ATP5MG: variants seen among roughly 807,000 people sequenced by gnomAD.
ATP5MG encodes ATP synthase membrane subunit g.
A neutral mutation model predicts 12.7 loss-of-function variants in ATP5MG; 7 were observed. That is an observed-to-expected ratio of 0.55 (90% CI 0.31 to 1.04). The LOEUF is 1.04. Among genes scored for constraint, ATP5MG ranks in the 50% least tolerant of loss-of-function variants. ATP5MG has a pLI of 0.05. For missense variants in ATP5MG, 116 were observed against 126.7 expected, an observed-to-expected ratio of 0.92 and a Z score of 0.41; for synonymous variants, 53 against 48.2, an observed-to-expected ratio of 1.10 and a Z score of -0.41.
chr11:118,406,729 C>A, intron 1 of ATP5MG: 1 of 651,396 alleles, frequency 1.5e-6, no homozygotes, highest in Non-Finnish European at 2.5e-6. Flanking sequence ...CCTGATTGAA[C>A]ATCCCTGTGG....
chr11:118,406,698 G>T, intron 1 of ATP5MG: 1 of 531,392 alleles, frequency 1.9e-6, no homozygotes, highest in South Asian at 2.1e-5. Flanking sequence ...TGGCATAATT[G>T]AATGTGCTTA....
intron 1 of ATP5MG, chr11:118,406,565 C>T (rs1591317689): frequency 5.1e-6 from 1 of 195,960 alleles, no homozygotes; most frequent in Non-Finnish European, 1.1e-5. Flanking sequence ...GGTCTCTCTC[C>T]AAGAAAATAT....
Position 118,409,049 on chromosome 11 carries a change from A to G in ATP5MG, c.263A>G (p.Tyr88Cys). ...LVATEVLMWF[Y>C]VGEIIGKRGI... The stretch of plus-strand genomic sequence containing the variant: ...GCCACTGAGGTGTTGATGTGGTTTT[A>G]TGTCGGAGAGATTATAGGCAAGCGG... The change falls in exon 3 of 3, where the codon TAT (tyrosine) becomes TGT (cysteine). Residue 88 changes from tyrosine (Y) to cysteine (C), a missense_variant. By Grantham distance (194) the Tyr-to-Cys change is radical. Coordinates refer to ENST00000300688, the MANE Select transcript of ATP5MG (RefSeq NM_006476.5). 2 of 1,607,978 alleles carry G rather than the reference A, an allele frequency of 1.2e-6. No individual in the cohort carries two copies. The highest frequency in any genetic ancestry group is 1.7e-6 in the Non-Finnish European group (2 of 1,177,032).
chr11:118,402,505 G>C (rs1948936521), intron 1 of ATP5MG, among the ~76,000 whole-genome samples: 2 of 152,040 alleles, frequency 1.3e-5, no homozygotes, highest in Admixed American at 1.3e-4. Context: ...CCTGAAGTGA[G>C]ATAAGCTAAA....
intron 1 of ATP5MG, among the ~76,000 whole-genome samples, chr11:118,403,386 C>T (rs1415100215): frequency 6.6e-6 from 1 of 152,082 alleles, no homozygotes; most frequent in Non-Finnish European, 1.5e-5. Flanking sequence ...ATCGCAGCTA[C>T]TTGGGAGGCT....
chr11:118,405,834 T>C (rs193038492), intron 1 of ATP5MG: 130 of 354,928 alleles, frequency 3.7e-4, no homozygotes, highest in African/African-American at 2.8e-3. Flanking sequence ...CAGTAGACAC[T>C]TTATGGGCTT....
intron 2 of ATP5MG, 42 bp downstream of exon 2, chr11:118,407,139 A>ATG (rs1555132256): frequency 1.2e-6 from 2 of 1,610,748 alleles, no homozygotes; most frequent in African/African-American, 2.7e-5. Flanking sequence ...ATAACAGAAA[A>ATG]TGTCTTCCCT....
chr11:118,408,124 T>C (rs782809712), intron 2 of ATP5MG, among the ~76,000 whole-genome samples: 7 of 152,094 alleles, frequency 4.6e-5, no homozygotes, highest in Non-Finnish European at 1.0e-4. Context: ...ATCGCGCCAC[T>C]GCACTCCAGC....
chr11:118,406,886 T>C (rs1415832605), intron 1 of ATP5MG, 51 bp from the exon 2 acceptor site: 2 of 1,546,596 alleles, frequency 1.3e-6, no homozygotes, highest in African/African-American at 2.7e-5. Context: ...CTTCTTTCGG[T>C]CTCTAGTGAG....
chr11:118,406,731 T>G (rs1042762908), intron 1 of ATP5MG: 30 of 663,672 alleles, frequency 4.5e-5, no homozygotes, highest in Non-Finnish European at 3.0e-5. Flanking sequence ...TGATTGAACA[T>G]CCCTGTGGCA....
rs1317374165 is a variant in ATP5MG at position 118,402,170 on chromosome 11, A to G, written c.52+453A>G. On this transcript the variant is annotated intron_variant, in intron 1 of 2. Coordinates refer to ENST00000300688, the MANE Select transcript of ATP5MG (RefSeq NM_006476.5). ...TGGAAGTCAACAGAAATGTTTAAGG[A>G]TGGGTGAGCTTTTTTGAACGTTGAC... Among the ~76,000 whole-genome samples, 9 of 152,032 alleles carry G rather than the reference A, an allele frequency of 5.9e-5. No homozygotes were observed. The East Asian group carries it at 1.7e-3, about 29-fold the overall frequency.
At position 118,401,663 on chromosome 11, in the gene ATP5MG, A is replaced by G. The variant is rs781853544; in HGVS notation, c.-3A>G. The G allele has an allele frequency of 3.1e-6, 5 of 1,613,938 alleles. No homozygotes were observed. Among genetic ancestry groups the G allele is most frequent in the Non-Finnish European group, 3.4e-6 (4 of 1,179,988 alleles). ...GGGGCGACGGACTCTCCATTCCAGA[A>G]CCATGGCCCAATTTGTCCGTAACCT... On this transcript the variant is annotated 5_prime_UTR_variant, in exon 1 of 3. Coordinates refer to ENST00000300688, the MANE Select transcript of ATP5MG (RefSeq NM_006476.5).
At chr11:118,401,981 C>T in intron 1 of ATP5MG, 3 of 439,664 alleles carry the variant, frequency 6.8e-6, no homozygotes, top group Non-Finnish European at 1.2e-5. Flanking sequence ...TGAAGGAAGC[C>T]CGGCGTTGCC....
chr11:118,405,735 A>T (rs2134127399), intron 1 of ATP5MG: 4 of 981,690 alleles, frequency 4.1e-6, no homozygotes, highest in Non-Finnish European at 3.6e-6. Flanking sequence ...CAAACACAGA[A>T]GATGAGGGAG....
At chr11:118,406,519 T>G (rs1456715410) in intron 1 of ATP5MG, 6 of 199,334 alleles carry the variant, frequency 3.0e-5, no homozygotes, top group East Asian at 2.4e-4. Context: ...TTCTAAATCC[T>G]TCATCCCTTT....
At chr11:118,402,697 T>C (rs2134124750) in intron 1 of ATP5MG, among the ~76,000 whole-genome samples, 1 of 87,330 alleles carries the variant, frequency 1.1e-5, no homozygotes, top group African/African-American at 4.0e-5. Flanking sequence ...TCTTTCTTTC[T>C]TTTTTTTTTT....
At chr11:118,408,283 T>G (rs112583389) in intron 2 of ATP5MG, among the ~76,000 whole-genome samples, 5,195 of 152,342 alleles carry the variant, frequency 0.034, 115 homozygotes, top group African/African-American at 0.041. Context: ...GAAGTGTGGT[T>G]GTTTTTCAGA....
chr11:118,403,523 C>T (rs914905495), intron 1 of ATP5MG, among the ~76,000 whole-genome samples: 1 of 150,150 alleles, frequency 6.7e-6, no homozygotes, highest in Non-Finnish European at 1.5e-5. Context: ...ATGCTGGACA[C>T]TGTGGCTCAC....
intron 1 of ATP5MG, among the ~76,000 whole-genome samples, chr11:118,404,683 G>A (rs1948957388): frequency 1.3e-5 from 2 of 152,192 alleles, no homozygotes; most frequent in African/African-American, 4.8e-5. Context: ...TTCATCACTT[G>A]GTTATAGGTT....
Sources: allele counts gnomAD v4.1 joint callset (sites outside exome capture counted in the v4.1 genomes callset), GRCh38; gene constraint gnomAD v4.1.1; transcripts MANE v1.5; gene names NCBI Gene and HGNC (gene_info 2026-07-23, HGNC 2026-07-21).